The following RB1CC1 variants were observed in gnomAD, a reference collection of about 807,000 sequenced individuals.
The protein encoded by RB1CC1 is RB1-inducible coiled-coil protein 1.
A neutral mutation model predicts 177.5 loss-of-function variants in RB1CC1; 46 were observed. The ratio of observed to expected loss-of-function variants is 0.26; its 90% CI spans 0.20 to 0.33. The LOEUF (loss-of-function observed/expected upper bound fraction) is 0.33. Ranked by LOEUF, RB1CC1 falls within the 10% of genes least tolerant of loss-of-function variation. RB1CC1 has a pLI of 1.00. For missense variants in RB1CC1, 1,703 were observed against 1,816.3 expected (o/e 0.94, Z 1.13); for synonymous variants, 666 against 613.6 (o/e 1.09, Z -1.26).
chr8:52,654,460 A>G (rs1191361375), intron 15 of RB1CC1, among the ~76,000 whole-genome samples: 1 of 144,396 alleles, frequency 6.9e-6, no homozygotes, highest in Non-Finnish European at 1.5e-5. Flanking sequence ...CCTGGCAAGT[A>G]ACTGAGAACT....
At chr8:52,646,531 C>A (rs62499945) in intron 15 of RB1CC1, among the ~76,000 whole-genome samples, 1 of 152,068 alleles carries the variant, frequency 6.6e-6, no homozygotes, top group African/African-American at 2.4e-5. Flanking sequence ...AAAAGAAACA[C>A]CTAAAGATTG....
chr8:52,627,824 C>T (rs1371628209), intron 22 of RB1CC1, among the ~76,000 whole-genome samples: 3 of 151,958 alleles, frequency 2.0e-5, no homozygotes, highest in Admixed American at 6.6e-5. Flanking sequence ...TCAACTGGTC[C>T]CTTGTATAAG....
intron 15 of RB1CC1, among the ~76,000 whole-genome samples, chr8:52,650,957 A>C (rs1411513044): frequency 6.6e-6 from 1 of 152,196 alleles, no homozygotes; most frequent in East Asian, 1.9e-4. Flanking sequence ...CCTTTTCAAC[A>C]ACCTCTCCCA....
chr8:52,630,640 A>C, intron 20 of RB1CC1, 112 bp from the exon 21 acceptor site: 1 of 1,084,360 alleles, frequency 9.2e-7, no homozygotes, highest in East Asian at 3.0e-5. Context: ...CCAGCTTTAA[A>C]GAGCCCAAAC....
chr8:52,626,195 CAG>C (rs1848377880), intron 22 of RB1CC1, among the ~76,000 whole-genome samples: 1 of 152,250 alleles, frequency 6.6e-6, no homozygotes, highest in South Asian at 2.1e-4. Context: ...GGCAACAACA[CAG>C]GGGTAGCATG....
At position 52,656,927 on chromosome 8, in the gene RB1CC1, C is replaced by T. The variant is rs773468615; in HGVS notation, c.2902G>A (p.Glu968Lys). The T allele has an allele frequency of 6.2e-7, 1 of 1,613,170 alleles. No homozygotes were observed. Among genetic ancestry groups the T allele is most frequent in the South Asian group, 1.1e-5 (1 of 91,042 alleles). ...VLEDLKKLHV[E>K]NDEKLQLLRA... ...AATAACTGTAACTTCTCATCATTTTCAACATGGAGCTTTTTTAAGTCTTCT... is the reference window on the plus strand; with the variant it reads ...AATAACTGTAACTTCTCATCATTTTTAACATGGAGCTTTTTTAAGTCTTCT... Residue 968 changes from glutamate (E) to lysine (K), a missense_variant, in exon 15 of 24, where the codon GAA becomes AAA. Glu to Lys is a moderately conservative substitution (Grantham distance 56). Coordinates refer to ENST00000025008, the MANE Select transcript of RB1CC1 (RefSeq NM_014781.5).
chr8:52,625,185 A>C (rs1261080922), intron 22 of RB1CC1, among the ~76,000 whole-genome samples: 1 of 152,184 alleles, frequency 6.6e-6, no homozygotes, highest in Admixed American at 6.5e-5. Flanking sequence ...TATAGGTTCA[A>C]AGCAAAACAC....
intron 8 of RB1CC1, among the ~76,000 whole-genome samples, chr8:52,665,964 C>T (rs1438313745): frequency 6.6e-6 from 1 of 152,110 alleles, no homozygotes; most frequent in African/African-American, 2.4e-5. Context: ...ATCCTTAAAA[C>T]CTATATCCTA....
Position 52,698,669 on chromosome 8 carries a change from G to GTTTTTT in RB1CC1, c.-166-11703_-166-11702insAAAAAA, listed in dbSNP as rs1855693493. On this transcript the variant is annotated intron_variant, in intron 1 of 23. Transcript: ENST00000025008. ...AACAAAAACTGTATATGTAATGGTT[G>GTTTTTT]GTTTTTTTTTTTTTTTTTTTTTTTT... Among the ~76,000 whole-genome samples the GTTTTTT allele has an allele frequency of 3.1e-3, 71 of 22,782 alleles. 34 individuals carry two copies. Among genetic ancestry groups the GTTTTTT allele is most frequent in the African/African-American group, 3.7e-3 (27 of 7,344 alleles). 14.9% of individuals were successfully genotyped at this position (22,782 alleles called of 152,430 possible).
At chr8:52,693,467 A>G (rs1855090204) in intron 1 of RB1CC1, among the ~76,000 whole-genome samples, 1 of 152,182 alleles carries the variant, frequency 6.6e-6, no homozygotes, top group Non-Finnish European at 1.5e-5. Context: ...ATGAAAAAAA[A>G]GCTCAACATC....
intron 1 of RB1CC1, among the ~76,000 whole-genome samples, chr8:52,706,425 T>C (rs955431906): frequency 2.0e-5 from 3 of 151,040 alleles, no homozygotes; most frequent in African/African-American, 7.3e-5. Context: ...AGTGGTGCGA[T>C]CTCCGCTCAC....
chr8:52,710,380 G>A (rs1431442787), intron 1 of RB1CC1, among the ~76,000 whole-genome samples: 2 of 152,168 alleles, frequency 1.3e-5, no homozygotes, highest in Non-Finnish European at 2.9e-5. Context: ...AGCAAATGAG[G>A]TAAAAATAGC....
In RB1CC1 at chr8:52,660,672, T is replaced by C. The variant is rs767418986; in HGVS notation, c.1628-15A>G. 3 of 1,581,254 alleles carry C rather than the reference T, an allele frequency of 1.9e-6. No individual in the cohort carries two copies. Among genetic ancestry groups the C allele is most frequent in the East Asian group, 4.5e-5 (2 of 44,560 alleles). On this transcript the variant is annotated splice_polypyrimidine_tract_variant and intron_variant, in intron 11 of 23. Coordinates refer to ENST00000025008, the MANE Select transcript of RB1CC1 (RefSeq NM_014781.5). Reference sequence around the variant, plus strand: ...AAAAGACTTCCCTGTATAAAGAAATTAACAATATGGTTATTTTAGAGCTTT... The same window carrying C: ...AAAAGACTTCCCTGTATAAAGAAATCAACAATATGGTTATTTTAGAGCTTT...
rs756120609 is a variant in RB1CC1 at position 52,642,506 on chromosome 8, A to G, written c.4182T>C (p.Ser1394=). ...CATATGGTGAAGGAACAAAACTGCTACTACGCAACTTACTGACTTCTTCTT... is the reference window on the plus strand; with the variant it reads ...CATATGGTGAAGGAACAAAACTGCTGCTACGCAACTTACTGACTTCTTCTT... ...KLEEEVSKLR[S]SSFVPSPYVA... Residue 1394 remains serine, a synonymous_variant, in exon 18 of 24, where the codon AGT becomes AGC. Transcript: ENST00000025008. 1 of 1,614,054 alleles carries G rather than the reference A, an allele frequency of 6.2e-7. No individual in the cohort carries two copies. Among genetic ancestry groups the G allele is most frequent in the South Asian group, 1.1e-5 (1 of 91,074 alleles).
Position 52,658,992 on chromosome 8 carries a change from T to G in RB1CC1, c.1690-16A>C, listed in dbSNP as rs769070213. ...GCTTTTGAGTCTGTACCAAAAAAAT[T>G]AATTACTTAAAAAATTTTTTTTCAA... On this transcript the variant is annotated splice_polypyrimidine_tract_variant and intron_variant, in intron 12 of 23. Transcript: ENST00000025008. 2 of 1,437,406 alleles carry G rather than the reference T, an allele frequency of 1.4e-6. No individual in the cohort carries two copies. The highest frequency in any genetic ancestry group is 5.1e-5 in the Admixed American group (2 of 39,124). 89.0% of individuals were successfully genotyped at this position (1,437,406 alleles called of 1,614,324 possible).
chr8:52,702,987 T>C (rs4873673), intron 1 of RB1CC1, among the ~76,000 whole-genome samples: 1 of 152,182 alleles, frequency 6.6e-6, no homozygotes, highest in Admixed American at 6.5e-5. Context: ...CTTGGGGTTC[T>C]AGTAGCAGTA....
intron 20 of RB1CC1, among the ~76,000 whole-genome samples, chr8:52,631,591 T>A (rs1848761353): frequency 6.6e-6 from 1 of 152,206 alleles, no homozygotes; most frequent in Non-Finnish European, 1.5e-5. Flanking sequence ...CAAAACTCAC[T>A]GAGCAACCCT....
intron 1 of RB1CC1, among the ~76,000 whole-genome samples, chr8:52,687,394 C>T (rs1472246530): frequency 6.6e-6 from 1 of 152,166 alleles, no homozygotes; most frequent in Non-Finnish European, 1.5e-5. Flanking sequence ...GTACCACATC[C>T]ACCTACTGTA....
At position 52,661,581 on chromosome 8, in the gene RB1CC1, T is replaced by C; in HGVS notation, c.1312A>G (p.Thr438Ala). The change falls in exon 9 of 24, where the codon ACC becomes GCC. Residue 438 changes from threonine (T) to alanine (A), a missense_variant. Transcript: ENST00000025008. ...RKLLDIKQKC[T>A]TAKQELANNL... The stretch of plus-strand genomic sequence containing the variant: ...TTTGCTAGTTCTTGTTTGGCAGTGG[T>C]ACACTTCTGCTTAATATCTAACAGT... 2 of 1,611,290 alleles carry C rather than the reference T, an allele frequency of 1.2e-6. 1 individual carries two copies. The highest frequency in any genetic ancestry group is 2.2e-5 in the South Asian group (2 of 90,332).
Sources: allele counts gnomAD v4.1 joint callset (sites outside exome capture counted in the v4.1 genomes callset), GRCh38; gene constraint gnomAD v4.1.1; transcripts MANE v1.5; gene names NCBI Gene and HGNC (gene_info 2026-07-23, HGNC 2026-07-21).